Variants in CCBE1 observed in about 807,000 individuals in gnomAD.
The protein encoded by CCBE1 is collagen and calcium-binding EGF domain-containing protein 1.
In CCBE1, 37 loss-of-function variants were observed where a neutral mutation model predicts 50.0. That is an observed-to-expected ratio of 0.74 (90% CI 0.57 to 0.97). The LOEUF is 0.97. Among genes scored for constraint, CCBE1 ranks in the 50% least tolerant of loss-of-function variants. The pLI is 0.00. For synonymous variants in CCBE1, 234 were observed against 203.7 expected (o/e 1.15, Z -1.27); for missense variants, 538 against 523.8 (o/e 1.03, Z -0.26).
intron 5 of CCBE1, among the ~76,000 whole-genome samples, chr18:59,455,678 T>C (rs1911157495): frequency 6.6e-6 from 1 of 152,264 alleles, no homozygotes; most frequent in African/African-American, 2.4e-5. Flanking sequence ...GGCACTGGAA[T>C]GGCCTACTTA....
At chr18:59,682,086 G>T (rs985992263) in intron 2 of CCBE1, among the ~76,000 whole-genome samples, 2 of 152,198 alleles carry the variant, frequency 1.3e-5, no homozygotes, top group African/African-American at 4.8e-5. Flanking sequence ...CTCCCAGACC[G>T]GGCGCGTTGG....
chr18:59,504,374 G>C (rs1913769794), intron 2 of CCBE1, among the ~76,000 whole-genome samples: 1 of 137,572 alleles, frequency 7.3e-6, no homozygotes, highest in Admixed American at 7.8e-5. Flanking sequence ...TCTGATCCTA[G>C]AATGTCTTCC....
chr18:59,679,037 G>A (rs1297775523), intron 2 of CCBE1, among the ~76,000 whole-genome samples: 1 of 152,180 alleles, frequency 6.6e-6, no homozygotes, highest in African/African-American at 2.4e-5. Context: ...AATACACCAT[G>A]TTCATACTAC....
chr18:59,629,280 T>TC (rs1248161680), intron 2 of CCBE1, among the ~76,000 whole-genome samples: 1 of 152,196 alleles, frequency 6.6e-6, no homozygotes, highest in Non-Finnish European at 1.5e-5. Flanking sequence ...TGTAACTGAC[T>TC]CCCTCATCTC....
intron 2 of CCBE1, among the ~76,000 whole-genome samples, chr18:59,634,626 A>G (rs1439948390): frequency 6.6e-6 from 1 of 152,232 alleles, no homozygotes; most frequent in Non-Finnish European, 1.5e-5. Flanking sequence ...TAGCATACCC[A>G]AGGATATCAG....
At chr18:59,668,275 G>T (rs775905472) in intron 2 of CCBE1, among the ~76,000 whole-genome samples, 1 of 151,922 alleles carries the variant, frequency 6.6e-6, no homozygotes, top group African/African-American at 2.4e-5. Flanking sequence ...AAAATTAGCC[G>T]GGCATAGTGG....
At chr18:59,461,243 T>A (rs989249571) in intron 5 of CCBE1, among the ~76,000 whole-genome samples, 3 of 149,728 alleles carry the variant, frequency 2.0e-5, no homozygotes, top group African/African-American at 7.4e-5. Flanking sequence ...AAAGAAATGA[T>A]CCCCTTCCCC....
chr18:59,487,193 C>G (rs895743297), intron 2 of CCBE1, among the ~76,000 whole-genome samples: 1 of 150,532 alleles, frequency 6.6e-6, no homozygotes, highest in South Asian at 2.1e-4. Context: ...GACATAAAAA[C>G]TGGAGAACCC....
chr18:59,604,948 G>C (rs545241047), intron 2 of CCBE1, among the ~76,000 whole-genome samples: 1 of 152,344 alleles, frequency 6.6e-6, no homozygotes, highest in East Asian at 1.9e-4. Flanking sequence ...GGATCCGGCA[G>C]CTCCAGGCCC....
chr18:59,545,165 T>C (rs1915631448), intron 2 of CCBE1, among the ~76,000 whole-genome samples: 1 of 152,222 alleles, frequency 6.6e-6, no homozygotes, highest in African/African-American at 2.4e-5. Flanking sequence ...TCCACGGACC[T>C]TCCTGGACTC....
Position 59,432,702 on chromosome 18 carries a change from G to A in CCBE1, c.*3206C>T, listed in dbSNP as rs895989431. 3.9e-5 allele frequency: 6 copies of A among 152,110 alleles called. No homozygotes were observed. The highest frequency in any genetic ancestry group is 8.8e-5 in the Non-Finnish European group (6 of 68,016). The allele number at this position is 152,110 out of a possible 1,614,324, so 9.4% of individuals were successfully genotyped here. A position where few individuals can be genotyped will look rare whatever the true frequency, so the allele number is the denominator to read the frequency against. ...CATTATAAAATACAGGTTACCATAA[G>A]TTTTGCTGGAGAATATTATCTGGAA... On this transcript the variant is annotated 3_prime_UTR_variant, in exon 11 of 11. Transcript: ENST00000439986.
At chr18:59,503,273 G>A (rs1012924639) in intron 2 of CCBE1, among the ~76,000 whole-genome samples, 2 of 152,226 alleles carry the variant, frequency 1.3e-5, no homozygotes, top group Admixed American at 6.5e-5. Flanking sequence ...CAGGATACCT[G>A]GGTGTAACAG....
At position 59,607,252 on chromosome 18, in the gene CCBE1, G is replaced by GTACC. The variant is rs1238398432; in HGVS notation, c.212+89373_212+89376dup. On this transcript the variant is annotated intron_variant, in intron 2 of 10. Coordinates refer to ENST00000439986, the MANE Select transcript of CCBE1 (RefSeq NM_133459.4). ...TTTTGGCTGACATTTAGATAAGCAT[G>GTACC]TACCAGTCAGCAATGTAGAATACGG... Among the ~76,000 whole-genome samples, 5 of 152,292 alleles carry GTACC rather than the reference G, an allele frequency of 3.3e-5. No individual in the cohort carries two copies. In the East Asian group the frequency reaches 9.6e-4, roughly 29 times the overall value.
chr18:59,459,748 T>C (rs1911370519), intron 5 of CCBE1, among the ~76,000 whole-genome samples: 1 of 152,244 alleles, frequency 6.6e-6, no homozygotes, highest in African/African-American at 2.4e-5. Flanking sequence ...CTGGCTGTAA[T>C]ATCCAACCCC....
At chr18:59,692,809 A>G (rs903335231) in intron 2 of CCBE1, among the ~76,000 whole-genome samples, 14 of 152,164 alleles carry the variant, frequency 9.2e-5, no homozygotes, top group African/African-American at 3.4e-4. Flanking sequence ...GGCTGGACAG[A>G]TGAATACCGG....
At chr18:59,584,135 T>C (rs1344868883) in intron 2 of CCBE1, among the ~76,000 whole-genome samples, 2 of 151,912 alleles carry the variant, frequency 1.3e-5, no homozygotes, top group Non-Finnish European at 2.9e-5. Flanking sequence ...ATTAAGGAAA[T>C]GTGGCAAATA....
At chr18:59,664,751 T>C (rs2054330257) in intron 2 of CCBE1, among the ~76,000 whole-genome samples, 1 of 152,092 alleles carries the variant, frequency 6.6e-6, no homozygotes, top group Admixed American at 6.6e-5. Flanking sequence ...AGGGCATTAT[T>C]CAGGGCAAGA....
chr18:59,495,410 T>TTTA (rs149062893), intron 2 of CCBE1, among the ~76,000 whole-genome samples: 1 of 144,950 alleles, frequency 6.9e-6, no homozygotes, highest in Admixed American at 6.9e-5. Flanking sequence ...TTTTTTTTTT[T>TTTA]CCAGAGCGGG....
intron 2 of CCBE1, among the ~76,000 whole-genome samples, chr18:59,617,747 A>C (rs1179977635): frequency 6.6e-6 from 1 of 152,200 alleles, no homozygotes; most frequent in Admixed American, 6.5e-5. Context: ...TAGTAGAAAC[A>C]GTTTTCAAGA....
Sources: allele counts gnomAD v4.1 joint callset (sites outside exome capture counted in the v4.1 genomes callset), GRCh38; gene constraint gnomAD v4.1.1; transcripts MANE v1.5; gene names NCBI Gene and HGNC (gene_info 2026-07-23, HGNC 2026-07-21).